Variants in MBP observed in about 807,000 individuals in gnomAD.
The protein encoded by MBP is myelin basic protein.
Under a neutral mutation model 35.8 loss-of-function variants are expected in MBP, and 16 were observed. The ratio of observed to expected loss-of-function variants is 0.45; its 90% CI spans 0.30 to 0.68. The LOEUF (loss-of-function observed/expected upper bound fraction) is 0.68, where lower values mean the gene tolerates loss of function less well. Ranked by LOEUF, MBP falls within the 30% of genes least tolerant of loss-of-function variation. MBP has a pLI of 0.08. For missense variants in MBP, 380 were observed against 404.7 expected, an observed-to-expected ratio of 0.94 and a Z score of 0.52; for synonymous variants, 143 against 159.6, an observed-to-expected ratio of 0.90 and a Z score of 0.78.
Position 77,066,253 on chromosome 18 carries a change from G to A in MBP, c.139+45C>T, listed in dbSNP as rs145604835. On this transcript the variant is annotated intron_variant, in intron 3 of 8. Coordinates refer to ENST00000355994, the MANE Select transcript of MBP (RefSeq NM_001025101.2). ...TCCCCGAGTGAGAGTGCAGGTGCAC[G>A]CTGTCACCATGTGGCGCCATGTTGC... 2.5e-3 allele frequency: 3,564 copies of A among 1,418,620 alleles called. 70 individuals carry two copies. In the African/African-American group the frequency reaches 0.043, roughly 17 times the overall value. 87.9% of individuals were successfully genotyped at this position (1,418,620 alleles called of 1,614,324 possible). A position where few individuals can be genotyped will look rare whatever the true frequency, so the allele number is the denominator to read the frequency against.
intron 1 of MBP, among the ~76,000 whole-genome samples, chr18:77,107,574 T>G (rs1443380480): frequency 6.6e-6 from 1 of 152,222 alleles, no homozygotes; most frequent in Non-Finnish European, 1.5e-5. Context: ...GAGCTATTTT[T>G]GGGCAAGGGG....
At position 77,016,868 on chromosome 18, in the gene MBP, G is replaced by A. The variant is rs919411484; in HGVS notation, c.540C>T (p.Gly180=). Residue 180 remains glycine (G), a synonymous_variant, in exon 4 of 9, where the codon GGC becomes GGT. Coordinates refer to ENST00000355994, the MANE Select transcript of MBP (RefSeq NM_001025101.2). ...CCCGCTTGGGCGCACCCCTGTCACC[G>A]CCAAAGAAGCGCCCGATGGAGTCAA... The part of the protein sequence containing the change: ...GILDSIGRFF[G]GDRGAPKRGS... The A allele has an allele frequency of 8.7e-6, 14 of 1,614,072 alleles. No individual in the cohort carries two copies. Among genetic ancestry groups the A allele is most frequent in the African/African-American group, 2.7e-5 (2 of 74,930 alleles).
chr18:77,104,439 C>T (rs530074773), intron 2 of MBP, among the ~76,000 whole-genome samples: 53 of 152,244 alleles, frequency 3.5e-4, no homozygotes, highest in African/African-American at 1.3e-3. Flanking sequence ...AGGAGGTTAT[C>T]GATCTAGGAG....
rs573317813 is a variant in MBP, at chr18:77,006,278, C to A, written c.576+10554G>T. ...GAGGCAGAAAGGACGTCCGAGGACT[C>A]GGAGACAGTGGCTGCTGGAAGCCCA... On this transcript the variant is annotated intron_variant, in intron 4 of 8. Transcript: ENST00000355994. 137 of 152,504 alleles carry A rather than the reference C, an allele frequency of 9.0e-4. 1 individual carries two copies. The highest frequency in any genetic ancestry group is 1.5e-3 in the Non-Finnish European group (101 of 68,156). The allele number at this position is 152,504 out of a possible 1,614,324, so 9.4% of individuals were successfully genotyped here.
rs1333524843 is a variant in MBP, at chr18:76,989,872, G to T, written c.681+84C>A. ...ACCCCGGTGCCACCCCCGAGCGTAC[G>T]AACGTCCTGTGTGGATGACAGCAGT... On this transcript the variant is annotated intron_variant, in intron 5 of 8. Coordinates refer to ENST00000355994, the MANE Select transcript of MBP (RefSeq NM_001025101.2). The surrounding 1 kb of genome is among the most constrained non-coding windows in gnomAD (Gnocchi z 4.0). The T allele has an allele frequency of 1.6e-6, 2 of 1,239,420 alleles. No individual in the cohort carries two copies. Among genetic ancestry groups the T allele is most frequent in the Non-Finnish European group, 2.4e-6 (2 of 844,742 alleles). The allele number at this position is 1,239,420 out of a possible 1,614,324, so 76.8% of individuals were successfully genotyped here.
intron 4 of MBP, among the ~76,000 whole-genome samples, chr18:76,994,714 G>A (rs1377751621): frequency 6.6e-6 from 1 of 152,184 alleles, no homozygotes; most frequent in Non-Finnish European, 1.5e-5. Context: ...GGTCAGAAAT[G>A]TCTATGAAAA....
At chr18:76,980,855 C>T (rs1226810520) in intron 8 of MBP, 2 of 204,798 alleles carry the variant, frequency 9.8e-6, no homozygotes, top group Admixed American at 1.1e-4. Flanking sequence ...GAACTGCCAG[C>T]GACAACAGGA....
At chr18:76,991,502 C>T (rs1319172118) in intron 4 of MBP, among the ~76,000 whole-genome samples, 1 of 152,172 alleles carries the variant, frequency 6.6e-6, no homozygotes, top group East Asian at 1.9e-4. Context: ...AGCTCAACTG[C>T]AAAGGCCCAA....
chr18:77,058,051 G>C (rs866042294), intron 3 of MBP, among the ~76,000 whole-genome samples: 790 of 19,358 alleles, frequency 0.041, 340 homozygotes, highest in African/African-American at 0.32. Flanking sequence ...CCAGGATGGT[G>C]TCGATCTCCT....
intron 3 of MBP, among the ~76,000 whole-genome samples, chr18:77,039,596 C>G (rs1464298060): frequency 6.6e-6 from 1 of 152,204 alleles, no homozygotes; most frequent in Non-Finnish European, 1.5e-5. Flanking sequence ...TAGAACACAG[C>G]AGGCATGCAG....
At chr18:77,047,423 A>G (rs470212) in intron 3 of MBP, among the ~76,000 whole-genome samples, 93,813 of 152,204 alleles carry the variant, frequency 0.62, 29,601 homozygotes, top group African/African-American at 0.76. Context: ...CAGGACACGC[A>G]AATCCACAGG....
At chr18:77,051,628 G>A (rs1444519855) in intron 3 of MBP, among the ~76,000 whole-genome samples, 2 of 152,288 alleles carry the variant, frequency 1.3e-5, no homozygotes, top group East Asian at 3.9e-4. Flanking sequence ...GAAGAGTTGA[G>A]GGTTCTTCCA....
intron 4 of MBP, among the ~76,000 whole-genome samples, chr18:76,993,097 C>T (rs1456754999): frequency 6.6e-6 from 1 of 152,224 alleles, no homozygotes; most frequent in East Asian, 1.9e-4. Context: ...GCAGGCACAG[C>T]AGGGCGTAAC....
rs117367610 is a variant in MBP, at chr18:77,121,730, C to T, written c.-26+10850G>A. 2.4e-4 allele frequency among the ~76,000 whole-genome samples: 36 copies of T among 152,278 alleles called. No individual in the cohort carries two copies. The East Asian group carries it at 5.6e-3, about 24-fold the overall frequency. ...ACGTGCTATGCCTGTTTCTGAAATACAATTGATTTATATTTATATTTATAT... is the reference window on the plus strand; with the variant it reads ...ACGTGCTATGCCTGTTTCTGAAATATAATTGATTTATATTTATATTTATAT... On this transcript the variant is annotated intron_variant, in intron 1 of 8. Coordinates refer to ENST00000355994, the MANE Select transcript of MBP (RefSeq NM_001025101.2).
intron 4 of MBP, among the ~76,000 whole-genome samples, chr18:76,998,694 T>C (rs1272776767): frequency 6.6e-6 from 1 of 152,148 alleles, no homozygotes; most frequent in Non-Finnish European, 1.5e-5. Context: ...ATTTATGAGA[T>C]GAGACGTACA....
intron 3 of MBP, among the ~76,000 whole-genome samples, chr18:77,052,902 C>T (rs1384017849): frequency 5.3e-5 from 8 of 152,208 alleles, no homozygotes; most frequent in African/African-American, 9.7e-5. Flanking sequence ...TCCCTGTGGG[C>T]GCTGTGCCCT....
At chr18:77,089,225 G>C (rs1975402397) in intron 2 of MBP, among the ~76,000 whole-genome samples, 1 of 152,248 alleles carries the variant, frequency 6.6e-6, no homozygotes, top group Non-Finnish European at 1.5e-5. Context: ...GTGTGGCCCT[G>C]GCTGGCAGGC....
chr18:77,131,123 C>T lies in MBP; in HGVS notation c.-26+1457G>A, dbSNP rs1337589323. Among the ~76,000 whole-genome samples the T allele has an allele frequency of 7.1e-6, 1 of 140,874 alleles. No homozygotes were observed. The highest frequency in any genetic ancestry group is 1.5e-5 in the Non-Finnish European group (1 of 65,294). 92.4% of individuals were successfully genotyped at this position (140,874 alleles called of 152,430 possible). A position where few individuals can be genotyped will look rare whatever the true frequency, so the allele number is the denominator to read the frequency against. ...CACACACACACACACACACACACCC[C>T]CTCTGCCGCGGTACCCTTCCCCTGG... On this transcript the variant is annotated intron_variant, in intron 1 of 8. Transcript: ENST00000355994. The surrounding 1 kb of genome is among the most constrained non-coding windows in gnomAD (Gnocchi z 5.5).
chr18:76,993,481 C>T (rs1970074049), intron 4 of MBP, among the ~76,000 whole-genome samples: 1 of 143,980 alleles, frequency 6.9e-6, no homozygotes, highest in Non-Finnish European at 1.5e-5. Context: ...ACCTCTGAGG[C>T]GGAGGTTGCA....
Sources: gnomAD v4.1 joint callset for allele counts (sites outside exome capture counted in the v4.1 genomes callset) on GRCh38, gnomAD v4.1.1 for gene constraint, Gnocchi (gnomAD v3.1) non-coding constraint, MANE v1.5 for transcripts, NCBI Gene and HGNC (gene_info 2026-07-23, HGNC 2026-07-21) for gene names.